Variants in GABRB2 observed in about 807,000 individuals in gnomAD.
The protein encoded by GABRB2 is gamma-aminobutyric acid receptor subunit beta-2.
In GABRB2, 16 loss-of-function variants were observed where a neutral mutation model predicts 54.7. That is an observed-to-expected ratio of 0.29 (90% CI 0.20 to 0.44). The LOEUF is 0.44. Among genes scored for constraint, GABRB2 ranks in the 20% least tolerant of loss-of-function variants. The pLI is 1.00. For missense variants in GABRB2, 355 were observed against 644.0 expected, an observed-to-expected ratio of 0.55 and a Z score of 4.86; for synonymous variants, 244 against 233.8, an observed-to-expected ratio of 1.04 and a Z score of -0.40.
intron 5 of GABRB2, among the ~76,000 whole-genome samples, chr5:161,406,031 T>C (rs1432402097): frequency 6.6e-6 from 1 of 152,084 alleles, no homozygotes; most frequent in Non-Finnish European, 1.5e-5. Context: ...GAGATGCTTG[T>C]ACCAAAACAC....
At chr5:161,538,115 CTT>C in intron 3 of GABRB2, among the ~76,000 whole-genome samples, 1 of 152,076 alleles carries the variant, frequency 6.6e-6, no homozygotes, top group Admixed American at 6.5e-5. Context: ...GAATGCCTGA[CTT>C]TGTGCGCTAT....
intron 4 of GABRB2, among the ~76,000 whole-genome samples, chr5:161,435,092 A>G (rs1482165897): frequency 1.3e-5 from 2 of 152,142 alleles, no homozygotes; most frequent in Non-Finnish European, 2.9e-5. Context: ...ATTATTATAG[A>G]TTTTTTCTCT....
At chr5:161,545,010 C>T (rs1047582515) in intron 3 of GABRB2, among the ~76,000 whole-genome samples, 1 of 151,978 alleles carries the variant, frequency 6.6e-6, no homozygotes, top group Non-Finnish European at 1.5e-5. Context: ...ATGCATTTTA[C>T]TCCAAGTATC....
intron 4 of GABRB2, among the ~76,000 whole-genome samples, chr5:161,440,500 T>C (rs1446474045): frequency 5.3e-5 from 8 of 152,286 alleles, no homozygotes; most frequent in African/African-American, 7.2e-5. Flanking sequence ...AAGGTTATTA[T>C]ATAATGATAA....
At chr5:161,482,854 T>C (rs564072316) in intron 3 of GABRB2, among the ~76,000 whole-genome samples, 12 of 152,080 alleles carry the variant, frequency 7.9e-5, no homozygotes, top group Non-Finnish European at 1.6e-4. Flanking sequence ...TTCTATTTGA[T>C]TTCAGAGTCA....
chr5:161,336,599 T>C lies in GABRB2; in HGVS notation c.679+33A>G. 2 of 1,605,952 alleles carry C rather than the reference T, an allele frequency of 1.2e-6. 1 individual carries two copies. Among genetic ancestry groups the C allele is most frequent in the Middle Eastern group, 3.3e-4 (2 of 6,008 alleles). On this transcript the variant is annotated intron_variant, in intron 6 of 9. Transcript: ENST00000393959. ...ATGTTTAACAAAATACGGTGAAGAT[T>C]ATTTTCCCTTAACACTTTTCCATGA...
At chr5:161,313,444 C>T (rs1343193792) in intron 9 of GABRB2, among the ~76,000 whole-genome samples, 2 of 151,656 alleles carry the variant, frequency 1.3e-5, no homozygotes, top group Admixed American at 6.6e-5. Context: ...GAAGAAAACA[C>T]CTCCGTCCTC....
At chr5:161,518,764 A>C (rs1331126506) in intron 3 of GABRB2, among the ~76,000 whole-genome samples, 4 of 152,192 alleles carry the variant, frequency 2.6e-5, no homozygotes, top group Admixed American at 6.5e-5. Flanking sequence ...GTACATTGAG[A>C]GGTCACCTTA....
At chr5:161,439,587 T>A (rs1192295197) in intron 4 of GABRB2, among the ~76,000 whole-genome samples, 1 of 152,128 alleles carries the variant, frequency 6.6e-6, no homozygotes, top group Non-Finnish European at 1.5e-5. Flanking sequence ...AAGTAATAAC[T>A]ACAACAACTT....
At chr5:161,492,552 C>A (rs181344612) in intron 3 of GABRB2, among the ~76,000 whole-genome samples, 1 of 133,948 alleles carries the variant, frequency 7.5e-6, no homozygotes, top group Non-Finnish European at 1.6e-5. Context: ...TTTGGAATTT[C>A]TTTGTTGTAA....
chr5:161,486,664 G>A (rs998210132), intron 3 of GABRB2, among the ~76,000 whole-genome samples: 14 of 151,824 alleles, frequency 9.2e-5, no homozygotes, highest in Admixed American at 3.3e-4. Flanking sequence ...TCATCATCTC[G>A]GTGACTTTCT....
chr5:161,386,824 C>CAAAA (rs55916255), intron 5 of GABRB2, among the ~76,000 whole-genome samples: 103 of 137,030 alleles, frequency 7.5e-4, no homozygotes, highest in Admixed American at 1.3e-3. Context: ...TGTGCCCAGC[C>CAAAA]AAAAAAAAAA....
intron 4 of GABRB2, among the ~76,000 whole-genome samples, chr5:161,440,296 G>C (rs933719295): frequency 1.3e-5 from 2 of 151,964 alleles, no homozygotes; most frequent in African/African-American, 4.8e-5. Flanking sequence ...ACACATTACT[G>C]GCTGAATGGA....
rs190049880 is a variant in GABRB2 at position 161,429,414 on chromosome 5, G to A, written c.459-18357C>T. Among the ~76,000 whole-genome samples the A allele has an allele frequency of 2.3e-3, 336 of 148,738 alleles. 3 individuals carry two copies. The highest frequency in any genetic ancestry group is 7.3e-3 in the Middle Eastern group (2 of 274). ...AGGAAAATGATTGGAAGCTGAGGCAGCCATTGCAGAGAAAATGAGCTAATG... is the reference window on the plus strand; with the variant it reads ...AGGAAAATGATTGGAAGCTGAGGCAACCATTGCAGAGAAAATGAGCTAATG... On this transcript the variant is annotated intron_variant, in intron 4 of 9. Coordinates refer to ENST00000393959, the MANE Select transcript of GABRB2 (RefSeq NM_001371727.1).
chr5:161,424,585 A>C (rs560840891), intron 4 of GABRB2, among the ~76,000 whole-genome samples: 1 of 152,264 alleles, frequency 6.6e-6, no homozygotes, highest in African/African-American at 2.4e-5. Flanking sequence ...CAGAAAACAT[A>C]GGTTCCTTTC....
intron 5 of GABRB2, among the ~76,000 whole-genome samples, chr5:161,409,529 T>C (rs1445756852): frequency 6.6e-6 from 1 of 152,122 alleles, no homozygotes; most frequent in Non-Finnish European, 1.5e-5. Context: ...ATGAAAGTCC[T>C]TCACCTACCT....
intron 3 of GABRB2, among the ~76,000 whole-genome samples, chr5:161,544,814 T>C (rs1561688970): frequency 6.6e-6 from 1 of 152,082 alleles, no homozygotes; most frequent in Non-Finnish European, 1.5e-5. Flanking sequence ...TTCCAGGGCC[T>C]TTATTAGTTT....
chr5:161,419,693 G>A (rs912244381), intron 4 of GABRB2, among the ~76,000 whole-genome samples: 1 of 152,226 alleles, frequency 6.6e-6, no homozygotes, highest in Non-Finnish European at 1.5e-5. Flanking sequence ...TATCCTGAGT[G>A]AAATAATTCA....
rs561805602 is a variant in GABRB2, at chr5:161,362,372, A to G, written c.542-25603T>C. Reference sequence around the variant, plus strand: ...GAATCTATAAATTACTTTGGATAGTATGGTCATTTTCATGATATTGATTCT... The same window carrying G: ...GAATCTATAAATTACTTTGGATAGTGTGGTCATTTTCATGATATTGATTCT... On this transcript the variant is annotated intron_variant, in intron 5 of 9. Coordinates refer to ENST00000393959, the MANE Select transcript of GABRB2 (RefSeq NM_001371727.1). Among the ~76,000 whole-genome samples the G allele has an allele frequency of 8.5e-4, 129 of 152,266 alleles. 1 individual carries two copies. Among genetic ancestry groups the G allele is most frequent in the African/African-American group, 2.8e-3 (117 of 41,546 alleles).
Sources: allele counts gnomAD v4.1 joint callset (sites outside exome capture counted in the v4.1 genomes callset), GRCh38; gene constraint gnomAD v4.1.1; transcripts MANE v1.5; gene names NCBI Gene and HGNC (gene_info 2026-07-23, HGNC 2026-07-21).